The following NOL4 variants were observed in gnomAD, a reference collection of about 807,000 sequenced individuals.
The protein encoded by NOL4 is nucleolar protein 4, also known as cancer/testis antigen 125.
In NOL4, 17 loss-of-function variants were observed where a neutral mutation model predicts 75.9. The ratio of observed to expected loss-of-function variants is 0.22; its 90% confidence interval spans 0.15 to 0.34. The LOEUF is 0.34. NOL4 is among the 10% of genes least tolerant of loss of function. The pLI, the probability that NOL4 is intolerant of heterozygous loss-of-function variation, is 1.00. For missense variants in NOL4, 614 were observed against 793.5 expected (o/e 0.77, Z 2.72); for synonymous variants, 292 against 289.9 (o/e 1.01, Z -0.07).
chr18:34,180,926 T>A (rs2033983218), intron 1 of NOL4, among the ~76,000 whole-genome samples: 1 of 151,418 alleles, frequency 6.6e-6, no homozygotes. Context: ...TAAATTAAGA[T>A]TAAAATAATG....
intron 6 of NOL4, among the ~76,000 whole-genome samples, chr18:34,007,827 A>AT (rs375658265): frequency 1.7e-4 from 26 of 151,050 alleles, no homozygotes; most frequent in East Asian, 7.8e-4. Context: ...TCTCCTTGTT[A>AT]TTTTTTTTTA....
intron 5 of NOL4, among the ~76,000 whole-genome samples, chr18:34,084,531 T>G (rs2078159615): frequency 6.6e-6 from 1 of 152,188 alleles, no homozygotes; most frequent in Non-Finnish European, 1.5e-5. Flanking sequence ...TAAAAAGTAT[T>G]TATATTTTAT....
chr18:33,960,395 A>G (rs1000733493), intron 6 of NOL4, among the ~76,000 whole-genome samples: 3 of 152,152 alleles, frequency 2.0e-5, no homozygotes, highest in Admixed American at 1.3e-4. Context: ...TAGGAAAAAT[A>G]TATATTTAAG....
At chr18:33,947,276 A>G (rs1011195502) in intron 8 of NOL4, among the ~76,000 whole-genome samples, 1 of 151,730 alleles carries the variant, frequency 6.6e-6, no homozygotes, top group Admixed American at 6.6e-5. Context: ...TCATCATTAC[A>G]TTTGACAGTT....
At chr18:33,912,942 C>A (rs2066495192) in intron 9 of NOL4, among the ~76,000 whole-genome samples, 1 of 152,006 alleles carries the variant, frequency 6.6e-6, no homozygotes, top group South Asian at 2.1e-4. Flanking sequence ...TACTATTCAC[C>A]AAAACTACAG....
At chr18:33,911,629 A>G (rs2066412111) in intron 9 of NOL4, among the ~76,000 whole-genome samples, 1 of 152,128 alleles carries the variant, frequency 6.6e-6, no homozygotes, top group African/African-American at 2.4e-5. Flanking sequence ...TTCTGAGGAT[A>G]TAAATTATAT....
At chr18:34,156,923 A>T (rs1268100729) in intron 1 of NOL4, 2 of 152,076 alleles carry the variant, frequency 1.3e-5, no homozygotes, top group Admixed American at 6.6e-5. Context: ...CACACTCACT[A>T]CACCCCACTG....
At chr18:34,067,463 G>A (rs2077329372) in intron 5 of NOL4, among the ~76,000 whole-genome samples, 2 of 152,136 alleles carry the variant, frequency 1.3e-5, no homozygotes, top group Non-Finnish European at 2.9e-5. Context: ...TCTACTGTAG[G>A]ATAGGAAAAA....
chr18:34,037,434 C>T (rs542520007), intron 5 of NOL4, among the ~76,000 whole-genome samples: 1 of 151,832 alleles, frequency 6.6e-6, no homozygotes, highest in South Asian at 2.1e-4. Flanking sequence ...CATATAGAAC[C>T]AAAAATGAGA....
chr18:34,166,037 C>T (rs554852994), intron 1 of NOL4, among the ~76,000 whole-genome samples: 16 of 151,954 alleles, frequency 1.1e-4, no homozygotes, highest in East Asian at 3.9e-4. Flanking sequence ...AAATTTTCAC[C>T]GATTCTTAAA....
At chr18:33,951,458 A>T (rs11873013) in intron 8 of NOL4, among the ~76,000 whole-genome samples, 93,493 of 151,162 alleles carry the variant, frequency 0.62, 29,141 homozygotes, top group African/African-American at 0.67. Flanking sequence ...GAGTTTTTTT[A>T]AAAAAAATGT....
At position 34,093,616 on chromosome 18, in the gene NOL4, TATC is replaced by T. The variant is rs1300039244; in HGVS notation, c.640-22_640-20del. 4 of 1,552,002 alleles carry T rather than the reference TATC, an allele frequency of 2.6e-6. No homozygotes were observed. Among genetic ancestry groups the T allele is most frequent in the Non-Finnish European group, 3.5e-6 (4 of 1,140,020 alleles). ...TTTCATCCTGAAAATAGTTTTAAAA[TATC>T]ATCAAGCATTTTAACGTATAATACG... On this transcript the variant is annotated intron_variant, in intron 4 of 10. Transcript: ENST00000261592.
intron 1 of NOL4, among the ~76,000 whole-genome samples, chr18:34,218,472 T>G (rs572504090): frequency 6.6e-6 from 1 of 152,332 alleles, no homozygotes; most frequent in East Asian, 1.9e-4. Context: ...CTCTTTATAT[T>G]CAGAGGAAAT....
intron 5 of NOL4, among the ~76,000 whole-genome samples, chr18:34,043,310 T>A (rs892495877): frequency 6.6e-6 from 1 of 152,068 alleles, no homozygotes; most frequent in Non-Finnish European, 1.5e-5. Flanking sequence ...GAATGGATAA[T>A]CTTTTGCATC....
chr18:33,907,684 C>A (rs2066148845), intron 9 of NOL4, among the ~76,000 whole-genome samples: 1 of 152,124 alleles, frequency 6.6e-6, no homozygotes, highest in South Asian at 2.1e-4. Flanking sequence ...TGCATAATAG[C>A]TGTCTAGAGC....
At chr18:33,936,826 T>A (rs1445571482) in intron 9 of NOL4, among the ~76,000 whole-genome samples, 1 of 152,122 alleles carries the variant, frequency 6.6e-6, no homozygotes, top group East Asian at 1.9e-4. Flanking sequence ...ATGTATGTCA[T>A]CCCTCAAAAC....
chr18:33,963,929 C>T (rs2070361490), intron 6 of NOL4, among the ~76,000 whole-genome samples: 1 of 152,144 alleles, frequency 6.6e-6, no homozygotes, highest in South Asian at 2.1e-4. Context: ...CGGTTGGGAG[C>T]TGTGTCTGAT....
Position 34,220,162 on chromosome 18 carries a change from T to A in NOL4, c.264+2828A>T, listed in dbSNP as rs79801689. Among the ~76,000 whole-genome samples, 52 of 152,298 alleles carry A rather than the reference T, an allele frequency of 3.4e-4. 1 individual carries two copies. The East Asian group carries it at 8.9e-3, about 26-fold the overall frequency. On this transcript the variant is annotated intron_variant, in intron 1 of 10. Coordinates refer to ENST00000261592, the MANE Select transcript of NOL4 (RefSeq NM_003787.5). ...ACTATGAGACTTAAAGATAGTCTTG[T>A]TTCAATTAAGTCTATGTGGTGTGTC...
intron 4 of NOL4, among the ~76,000 whole-genome samples, chr18:34,098,531 A>G (rs1365156467): frequency 1.3e-5 from 2 of 152,186 alleles, no homozygotes; most frequent in Non-Finnish European, 1.5e-5. Flanking sequence ...AACAAAATAA[A>G]TCACCCAGAG....
Sources: gnomAD v4.1 joint callset for allele counts (sites outside exome capture counted in the v4.1 genomes callset) on GRCh38, gnomAD v4.1.1 for gene constraint, MANE v1.5 for transcripts, NCBI Gene and HGNC (gene_info 2026-07-23, HGNC 2026-07-21) for gene names.